The following CWF19L2 variants were observed in gnomAD, a reference collection of about 807,000 sequenced individuals.
The protein encoded by CWF19L2 is CWF19-like protein 2.
In CWF19L2, 98 loss-of-function variants were observed where a neutral mutation model predicts 111.7. The ratio of observed to expected loss-of-function variants is 0.88; its 90% CI spans 0.75 to 1.04. The LOEUF (loss-of-function observed/expected upper bound fraction) is 1.04, where lower values mean the gene tolerates loss of function less well. Ranked by LOEUF, CWF19L2 falls within the 50% of genes least tolerant of loss-of-function variation. CWF19L2 has a pLI of 0.00. For missense variants in CWF19L2, 1,101 were observed against 1,051.4 expected, an observed-to-expected ratio of 1.05 and a Z score of -0.65; for synonymous variants, 351 against 342.9, an observed-to-expected ratio of 1.02 and a Z score of -0.26.
At chr11:107,360,318 A>C (rs1259381117) in intron 12 of CWF19L2, among the ~76,000 whole-genome samples, 1 of 152,236 alleles carries the variant, frequency 6.6e-6, no homozygotes, top group Non-Finnish European at 1.5e-5. Context: ...ACACAATTTC[A>C]TTCTTTCTTA....
rs1860193365 is a variant in CWF19L2 at position 107,353,751 on chromosome 11, T to TAA, written c.1873-17_1873-16dup. Reference sequence around the variant, plus strand: ...TTTCCCATAAACTGAAAAACCAAAATAACAGTAATAGAGAGTAGAAGGTAG... The same window carrying TAA: ...TTTCCCATAAACTGAAAAACCAAAATAAAACAGTAATAGAGAGTAGAAGGTAG... On this transcript the variant is annotated splice_polypyrimidine_tract_variant and intron_variant, in intron 12 of 17. Coordinates refer to ENST00000282251, the MANE Select transcript of CWF19L2 (RefSeq NM_152434.3). 28 of 1,601,338 alleles carry TAA rather than the reference T, an allele frequency of 1.7e-5. No homozygotes were observed. The highest frequency in any genetic ancestry group is 2.3e-5 in the Non-Finnish European group (27 of 1,168,828).
In CWF19L2 at chr11:107,417,275, C is replaced by T. The variant is rs149527834; in HGVS notation, c.1527+919G>A. ...TCTGCCATGTGCACTTAAATATATA[C>T]ATCTCACTGTATATTATTTTAATAT... On this transcript the variant is annotated intron_variant, in intron 9 of 17. Coordinates refer to ENST00000282251, the MANE Select transcript of CWF19L2 (RefSeq NM_152434.3). Among the ~76,000 whole-genome samples the T allele has an allele frequency of 4.7e-3, 716 of 152,280 alleles. 3 individuals are homozygous for T. Among genetic ancestry groups the T allele is most frequent in the Middle Eastern group, 6.8e-3 (2 of 294 alleles).
chr11:107,402,873 G>GTGTGTGTATATATATATATATATA (rs1247886311), intron 10 of CWF19L2, among the ~76,000 whole-genome samples: 9 of 94,456 alleles, frequency 9.5e-5, no homozygotes, highest in African/African-American at 3.9e-4. Context: ...ACTGTGGTGT[G>GTGTGTGTATATATATATATATATA]TATATATATA....
chr11:107,440,010 T>C (rs1274427305), intron 5 of CWF19L2, among the ~76,000 whole-genome samples: 2 of 152,208 alleles, frequency 1.3e-5, no homozygotes, highest in African/African-American at 2.4e-5. Flanking sequence ...ACAATGCAAG[T>C]GTCTCCTGTG....
At position 107,435,766 on chromosome 11, in the gene CWF19L2, T is replaced by C. The variant is rs1211898865; in HGVS notation, c.665-2017A>G. Among the ~76,000 whole-genome samples the C allele has an allele frequency of 5.9e-5, 9 of 151,990 alleles. No individual in the cohort carries two copies. The South Asian group carries it at 1.5e-3, about 24-fold the overall frequency. On this transcript the variant is annotated intron_variant, in intron 6 of 17. Coordinates refer to ENST00000282251, the MANE Select transcript of CWF19L2 (RefSeq NM_152434.3). ...TAATATTTAAAAAGCGAATAAAAAATACCAACTTGCAGTACCATCCCAAAA... is the reference window on the plus strand; with the variant it reads ...TAATATTTAAAAAGCGAATAAAAAACACCAACTTGCAGTACCATCCCAAAA...
rs189390997 is a variant in CWF19L2 at position 107,382,097 on chromosome 11, G to A, written c.1872+7977C>T. On this transcript the variant is annotated intron_variant, in intron 12 of 17. Transcript: ENST00000282251. ...ATATAGATCTCTTGAAGATGTGCCT[G>A]AGTTTACGTTGCCAAGGTAACACTG... Among the ~76,000 whole-genome samples the A allele has an allele frequency of 7.1e-4, 108 of 152,262 alleles. 1 individual carries two copies. The Middle Eastern group carries it at 0.02, about 29-fold the overall frequency.
intron 12 of CWF19L2, among the ~76,000 whole-genome samples, chr11:107,387,825 C>T (rs1213615538): frequency 6.6e-6 from 1 of 152,198 alleles, no homozygotes; most frequent in African/African-American, 2.4e-5. Flanking sequence ...GCTCCGCTCA[C>T]CTCTTGCTGT....
At chr11:107,385,322 C>A (rs200956875) in intron 12 of CWF19L2, among the ~76,000 whole-genome samples, 13 of 148,856 alleles carry the variant, frequency 8.7e-5, no homozygotes, top group East Asian at 2.0e-4. Context: ...TTAAATAATA[C>A]AAAAAAAAAA....
At chr11:107,331,167 C>A (rs1373928451) in intron 16 of CWF19L2, among the ~76,000 whole-genome samples, 1 of 151,996 alleles carries the variant, frequency 6.6e-6, no homozygotes, top group Non-Finnish European at 1.5e-5. Context: ...CATGTTATGA[C>A]CTTGACTATT....
intron 3 of CWF19L2, among the ~76,000 whole-genome samples, chr11:107,445,580 G>C (rs962642056): frequency 6.8e-6 from 1 of 147,322 alleles, no homozygotes; most frequent in Non-Finnish European, 1.5e-5. Flanking sequence ...CTCCAGCCTG[G>C]GGGACAAGAG....
chr11:107,403,875 C>T, intron 10 of CWF19L2: 2 of 795,100 alleles, frequency 2.5e-6, no homozygotes, highest in South Asian at 2.8e-5. Flanking sequence ...CTCTTCTCCT[C>T]CTGTATTTGA....
intron 16 of CWF19L2, among the ~76,000 whole-genome samples, chr11:107,330,650 AC>A (rs1261246817): frequency 4.4e-5 from 2 of 45,568 alleles, no homozygotes; most frequent in East Asian, 3.3e-3. Context: ...CCCACCACAC[AC>A]ACACACACAC....
intron 12 of CWF19L2, among the ~76,000 whole-genome samples, chr11:107,389,194 T>G (rs191760343): frequency 6.6e-6 from 1 of 152,324 alleles, no homozygotes; most frequent in Admixed American, 6.5e-5. Flanking sequence ...GTGACTCAGT[T>G]CAAACTCCCA....
At chr11:107,428,077 C>A (rs554716233) in intron 8 of CWF19L2, among the ~76,000 whole-genome samples, 1 of 152,234 alleles carries the variant, frequency 6.6e-6, no homozygotes, top group South Asian at 2.1e-4. Flanking sequence ...TGATCATTCA[C>A]GTGTAAGTTG....
intron 17 of CWF19L2, 90 bp downstream of exon 17, chr11:107,329,827 TG>T: frequency 1.1e-6 from 1 of 924,132 alleles, no homozygotes. Context: ...CCAATTTCTT[TG>T]TATACTGTGC....
rs994854587 is a variant in CWF19L2, at chr11:107,398,126, C to T, written c.1618-5231G>A. On this transcript the variant is annotated intron_variant, in intron 10 of 17. Coordinates refer to ENST00000282251, the MANE Select transcript of CWF19L2 (RefSeq NM_152434.3). Reference sequence around the variant, plus strand: ...AATATGACAAAACAAGGCTCTTCAACGCCTCCCAAAAATCACACTAGTTCG... The same window carrying T: ...AATATGACAAAACAAGGCTCTTCAATGCCTCCCAAAAATCACACTAGTTCG... Among the ~76,000 whole-genome samples, 5 of 152,250 alleles carry T rather than the reference C, an allele frequency of 3.3e-5. No homozygotes were observed. The South Asian group carries it at 6.2e-4, about 19-fold the overall frequency.
At chr11:107,376,251 C>G (rs1308980304) in intron 12 of CWF19L2, among the ~76,000 whole-genome samples, 1 of 100,782 alleles carries the variant, frequency 9.9e-6, no homozygotes, top group Middle Eastern at 4.9e-3. Flanking sequence ...GGAATCCTCC[C>G]TAACTCATTT....
At chr11:107,414,204 T>C (rs2135396216) in intron 10 of CWF19L2, among the ~76,000 whole-genome samples, 1 of 151,350 alleles carries the variant, frequency 6.6e-6, no homozygotes, top group African/African-American at 2.5e-5. Context: ...TTATTTATTC[T>C]TTTTTTAGAG....
chr11:107,445,987 T>C (rs1861697117), intron 3 of CWF19L2, among the ~76,000 whole-genome samples: 1 of 152,210 alleles, frequency 6.6e-6, no homozygotes, highest in African/African-American at 2.4e-5. Flanking sequence ...TCTTTCCTGT[T>C]ATCTGGACTA....
Sources: gnomAD v4.1 joint callset for allele counts (sites outside exome capture counted in the v4.1 genomes callset) on GRCh38, gnomAD v4.1.1 for gene constraint, MANE v1.5 for transcripts, NCBI Gene and HGNC (gene_info 2026-07-23, HGNC 2026-07-21) for gene names.